The following CTNNA2 variants were observed in gnomAD, a reference collection of about 807,000 sequenced individuals.
CTNNA2 encodes the protein catenin alpha-2.
CTNNA2 carries 42 observed loss-of-function variants against 101.0 expected under a neutral mutation model. That is an observed-to-expected ratio of 0.42 (90% CI 0.32 to 0.54). The LOEUF (loss-of-function observed/expected upper bound fraction) is 0.54. Ranked by LOEUF, CTNNA2 falls within the 20% of genes least tolerant of loss-of-function variation. CTNNA2 has a pLI of 0.14. For missense variants in CTNNA2, 871 were observed against 1,223.1 expected, an observed-to-expected ratio of 0.71 and a Z score of 4.29; for synonymous variants, 450 against 456.4, an observed-to-expected ratio of 0.99 and a Z score of 0.18.
At chr2:80,132,528 T>G (rs1451470615) in intron 7 of CTNNA2, among the ~76,000 whole-genome samples, 1 of 152,218 alleles carries the variant, frequency 6.6e-6, no homozygotes, top group South Asian at 2.1e-4. Flanking sequence ...GGATGGGTGG[T>G]GTAAGGGCTT....
chr2:79,346,117 A>T (rs1409989185), intron 3 of CTNNA2, among the ~76,000 whole-genome samples: 1 of 152,206 alleles, frequency 6.6e-6, no homozygotes, highest in African/African-American at 2.4e-5. Context: ...TATCAGAAAT[A>T]AAGTGACAGT....
chr2:79,202,786 A>T (rs925802621), intron 2 of CTNNA2, among the ~76,000 whole-genome samples: 1 of 151,972 alleles, frequency 6.6e-6, no homozygotes, highest in Non-Finnish European at 1.5e-5. Context: ...TCTCTCTCCC[A>T]CAAGCCCAGC....
chr2:79,657,852 T>G (rs898801760), intron 2 of CTNNA2, among the ~76,000 whole-genome samples: 1 of 151,778 alleles, frequency 6.6e-6, no homozygotes, highest in African/African-American at 2.4e-5. Flanking sequence ...AAAAGATATT[T>G]AATAGAATTT....
chr2:80,088,635 G>C (rs1699591659), intron 7 of CTNNA2, among the ~76,000 whole-genome samples: 1 of 151,944 alleles, frequency 6.6e-6, no homozygotes, highest in Non-Finnish European at 1.5e-5. Context: ...TAGGTACTGT[G>C]GTTATTATTT....
chr2:79,211,381 C>A (rs1435278385), intron 2 of CTNNA2, among the ~76,000 whole-genome samples: 1 of 152,064 alleles, frequency 6.6e-6, no homozygotes, highest in Admixed American at 6.6e-5. Context: ...ACCAAACAGG[C>A]TTTGTGTGAG....
intron 3 of CTNNA2, among the ~76,000 whole-genome samples, chr2:79,795,533 A>G (rs1047026318): frequency 7.3e-5 from 11 of 151,420 alleles, no homozygotes; most frequent in African/African-American, 1.2e-4. Context: ...ATTGTATTAA[A>G]TTAAATTTCA....
At chr2:79,740,308 A>G (rs1671201011) in intron 2 of CTNNA2, among the ~76,000 whole-genome samples, 1 of 152,170 alleles carries the variant, frequency 6.6e-6, no homozygotes, top group African/African-American at 2.4e-5. Context: ...AGCTCCATCC[A>G]TGATCCTGCA....
At chr2:79,359,023 A>G (rs1677568950) in intron 3 of CTNNA2, among the ~76,000 whole-genome samples, 1 of 152,186 alleles carries the variant, frequency 6.6e-6, no homozygotes, top group South Asian at 2.1e-4. Context: ...CCTACTAGAT[A>G]TAACATACTA....
chr2:80,101,871 G>C (rs975356920), intron 7 of CTNNA2, among the ~76,000 whole-genome samples: 1 of 152,172 alleles, frequency 6.6e-6, no homozygotes, highest in Non-Finnish European at 1.5e-5. Context: ...TCTTCACCAG[G>C]TTGGCAAGGG....
At chr2:79,798,462 A>T (rs112290829) in intron 3 of CTNNA2, among the ~76,000 whole-genome samples, 97 of 151,342 alleles carry the variant, frequency 6.4e-4, no homozygotes, top group African/African-American at 2.3e-3. Context: ...TTTTATCTTT[A>T]TTTGAAATCT....
intron 7 of CTNNA2, among the ~76,000 whole-genome samples, chr2:79,930,252 AAGAAAGAAAGAAAGAAAGAAAGAAAG>A (rs1311146142): frequency 9.3e-4 from 17 of 18,288 alleles, no homozygotes; most frequent in African/African-American, 2.1e-3. Context: ...CAAAGAAAGA[AAGAAAGAAAGAAAGAAAGAAAGAAAG>A]AGAGAGAGAG....
chr2:79,239,078 A>C, intron 2 of CTNNA2, among the ~76,000 whole-genome samples: 1 of 152,144 alleles, frequency 6.6e-6, no homozygotes, highest in African/African-American at 2.4e-5. Context: ...TATTAAGCCC[A>C]GTGTGCATTA....
intron 2 of CTNNA2, among the ~76,000 whole-genome samples, chr2:79,205,612 T>C (rs1353049129): frequency 1.3e-5 from 2 of 152,164 alleles, no homozygotes; most frequent in Non-Finnish European, 2.9e-5. Flanking sequence ...TAATTCACTT[T>C]TCAACAGGAA....
intron 7 of CTNNA2, among the ~76,000 whole-genome samples, chr2:80,130,309 A>G (rs536083066): frequency 1.9e-4 from 29 of 152,202 alleles, no homozygotes; most frequent in Non-Finnish European, 3.7e-4. Flanking sequence ...AAGCCCTAGA[A>G]TTTCTGCAGG....
intron 4 of CTNNA2, among the ~76,000 whole-genome samples, chr2:79,482,495 A>T (rs1479685723): frequency 6.6e-6 from 1 of 152,198 alleles, no homozygotes; most frequent in Non-Finnish European, 1.5e-5. Flanking sequence ...CAGCGCAGCT[A>T]TTCTGGTAGT....
intron 3 of CTNNA2, among the ~76,000 whole-genome samples, chr2:79,790,988 T>G (rs2105251771): frequency 6.6e-6 from 1 of 152,314 alleles, no homozygotes; most frequent in Middle Eastern, 3.4e-3. Context: ...CTTTTGTAAC[T>G]TTATTTCCTA....
intron 3 of CTNNA2, among the ~76,000 whole-genome samples, chr2:79,748,926 G>A (rs1445964764): frequency 1.3e-5 from 2 of 152,012 alleles, no homozygotes; most frequent in Non-Finnish European, 2.9e-5. Context: ...CCAGGATCAC[G>A]GGGCCAAAGA....
chr2:80,317,038 G>C (rs190357885), intron 7 of CTNNA2, among the ~76,000 whole-genome samples: 1 of 152,164 alleles, frequency 6.6e-6, no homozygotes, highest in African/African-American at 2.4e-5. Context: ...GCAAGGGGAA[G>C]CCATTTAAAG....
chr2:80,589,630 A>G lies in CTNNA2; in HGVS notation c.2189+145A>G, dbSNP rs1696261724. The G allele has an allele frequency of 1.3e-5, 9 of 693,788 alleles. No homozygotes were observed. In the South Asian group the frequency reaches 2.1e-4, roughly 16 times the overall value. The allele number at this position is 693,788 out of a possible 1,614,324, so 43.0% of individuals were successfully genotyped here. A position where few individuals can be genotyped will look rare whatever the true frequency, so the allele number is the denominator to read the frequency against. ...TATAAATTTACATGTATAAGTCAAA[A>G]TGATCTGCACTTAATTCCTAGCAGA... On this transcript the variant is annotated intron_variant, in intron 15 of 18. Coordinates refer to ENST00000402739, the MANE Select transcript of CTNNA2 (RefSeq NM_001282597.3).
Sources: allele counts gnomAD v4.1 joint callset (sites outside exome capture counted in the v4.1 genomes callset), GRCh38; gene constraint gnomAD v4.1.1; transcripts MANE v1.5; gene names NCBI Gene and HGNC (gene_info 2026-07-23, HGNC 2026-07-21).